Variants in FHL1 observed in about 807,000 individuals in gnomAD.
FHL1 encodes four and a half LIM domains 1.
FHL1 carries 1 observed loss-of-function variant against 20.3 expected under a neutral mutation model. The observed-to-expected ratio is 0.05, with a 90% confidence interval of 0.02 to 0.23. The LOEUF is 0.23. Ranked by LOEUF, FHL1 falls within the 10% of genes least tolerant of loss-of-function variation. FHL1 has a pLI of 1.00. For missense variants in FHL1, 177 were observed against 234.0 expected, an observed-to-expected ratio of 0.76 and a Z score of 1.59; for synonymous variants, 82 against 88.9, an observed-to-expected ratio of 0.92 and a Z score of 0.44.
chrX:136,206,997 C>T lies in FHL1; in HGVS notation c.205-19C>T, dbSNP rs1478843818. 4.1e-6 allele frequency: 5 copies of T among 1,208,655 alleles called. No individual in the cohort carries two copies. The highest frequency in any genetic ancestry group is 4.4e-5 in the Admixed American group (2 of 45,885). ...CCAGCACCCCTCATGGTGGCCCACC[C>T]TGTCTGCTTGGTTTCCAGGAGGTGC... On this transcript the variant is annotated intron_variant, in intron 2 of 5. Coordinates refer to ENST00000370683, the MANE Select transcript of FHL1 (RefSeq NM_001159699.2).
intron 2 of FHL1, among the ~76,000 whole-genome samples, chrX:136,177,552 T>C (rs780191446): frequency 8.9e-6 from 1 of 112,428 alleles, no homozygotes; most frequent in South Asian, 3.7e-4. Flanking sequence ...TTCATCTGTT[T>C]ACAGGTCTTT....
Position 136,209,858 on chromosome X carries a change from T to C in FHL1, c.737-13T>C, listed in dbSNP as rs11798700. The C allele has an allele frequency of 0.019, 23,359 of 1,205,075 alleles. 200 individuals carry two copies. The highest frequency in any genetic ancestry group is 0.024 in the Non-Finnish European group (21,408 of 892,835). The stretch of plus-strand genomic sequence containing the variant: ...CTCTTGTTTTCTTTTCTTTTCTTTT[T>C]TTTTCCCCCCAGGGTTTGGTAAAGG... On this transcript the variant is annotated splice_polypyrimidine_tract_variant and intron_variant, in intron 5 of 5. Transcript: ENST00000370683.
exon 1 of FHL1, chrX:136,147,606 G>C (rs2072133731): frequency 9.2e-6 from 1 of 108,203 alleles, no homozygotes; most frequent in Admixed American, 9.7e-5. Context: ...CGAGACAGCT[G>C]CGCGGGCGAG....
chrX:136,184,147 C>T, intron 2 of FHL1, among the ~76,000 whole-genome samples: 1 of 112,074 alleles, frequency 8.9e-6, no homozygotes, highest in Non-Finnish European at 1.9e-5. Flanking sequence ...TAAACCCTAT[C>T]CTGGCTGTGT....
At chrX:136,147,336 C>CGCGCGCGA (rs1491509185), upstream of FHL1, 1 of 311 alleles carries the variant, frequency 3.2e-3, no homozygotes, top group African/African-American at 8.1e-3. Context: ...GGCCGTCTCC[C>CGCGCGCGA]GCGCGCGCGC....
rs2073910530 is a variant in FHL1 at position 136,208,478 on chromosome X, T to G, written c.573T>G (p.Thr191=). 3 of 1,210,016 alleles carry G rather than the reference T, an allele frequency of 2.5e-6. No homozygotes were observed. Among genetic ancestry groups the G allele is most frequent in the Admixed American group, 2.2e-5 (1 of 45,825 alleles). The change falls in exon 5 of 6, where the codon ACT becomes ACG. Residue 191 remains threonine, a synonymous_variant. Transcript: ENST00000370683. Reference sequence around the variant, plus strand: ...AGGCCATCACATCTGGAGGAATCACTTACCAGGATCAGCCCTGGCATGCCG... The same window carrying G: ...AGGCCATCACATCTGGAGGAATCACGTACCAGGATCAGCCCTGGCATGCCG... The part of the protein sequence containing the change: ...CNKAITSGGI[T]YQDQPWHADC...
intron 1 of FHL1, among the ~76,000 whole-genome samples, chrX:136,149,927 G>T (rs2072219987): frequency 1.8e-5 from 2 of 111,532 alleles, no homozygotes; most frequent in South Asian, 7.4e-4. Context: ...AATAGCAATT[G>T]AAAAAATAGC....
At chrX:136,182,231 T>C (rs1313952702) in intron 2 of FHL1, among the ~76,000 whole-genome samples, 3 of 111,861 alleles carry the variant, frequency 2.7e-5, no homozygotes, top group African/African-American at 9.8e-5. Flanking sequence ...CCCGTTCTTA[T>C]AGAGAGGCAA....
At chrX:136,186,379 A>G (rs893038063) in intron 2 of FHL1, among the ~76,000 whole-genome samples, 1 of 110,475 alleles carries the variant, frequency 9.1e-6, no homozygotes, top group African/African-American at 3.3e-5. Context: ...ATTTCAGTAA[A>G]CTTTGGTGGG....
At chrX:136,177,398 T>C (rs758005515) in intron 2 of FHL1, among the ~76,000 whole-genome samples, 47 of 111,888 alleles carry the variant, frequency 4.2e-4, no homozygotes, top group Non-Finnish European at 7.5e-4. Flanking sequence ...AATGAGGACA[T>C]AGATATCTGA....
In FHL1 at chrX:136,203,998, G is replaced by T. The variant is rs138983549; in HGVS notation, c.23-2409G>T. ...TATCAAAAGCAAGTGATACTAAAAC[G>T]AGTAGGTTCAAAGTTGTATACTAAA... is the stretch of plus-strand genomic sequence containing the variant. On this transcript the variant is annotated intron_variant, in intron 1 of 5. Transcript: ENST00000370683. Among the ~76,000 whole-genome samples the T allele has an allele frequency of 7.7e-3, 861 of 112,243 alleles. 9 individuals carry two copies. The highest frequency in any genetic ancestry group is 0.026 in the African/African-American group (806 of 30,915).
At chrX:136,177,351 G>A (rs2073033951) in intron 2 of FHL1, among the ~76,000 whole-genome samples, 1 of 111,621 alleles carries the variant, frequency 9.0e-6, no homozygotes, top group African/African-American at 3.3e-5. Context: ...GGACAGCTAA[G>A]TTCAAATCTA....
upstream of FHL1, among the ~76,000 whole-genome samples, chrX:136,195,841 A>C (rs2073542447): frequency 6.2e-5 from 7 of 112,044 alleles, no homozygotes; most frequent in Admixed American, 6.6e-4. Flanking sequence ...GACAGTGGCT[A>C]TAAAGGTGTC....
intron 1 of FHL1, among the ~76,000 whole-genome samples, chrX:136,151,644 C>G (rs984267835): frequency 8.9e-6 from 1 of 111,895 alleles, no homozygotes; most frequent in African/African-American, 3.3e-5. Flanking sequence ...ACCCAGGAGG[C>G]GGAGGTTGCT....
At chrX:136,199,374 A>G (rs2073643900) in intron 1 of FHL1, among the ~76,000 whole-genome samples, 1 of 112,209 alleles carries the variant, frequency 8.9e-6, no homozygotes, top group African/African-American at 3.2e-5. Context: ...GAAGTTGCTA[A>G]TTACATTGAA....
chrX:136,180,460 T>A (rs759456377), intron 2 of FHL1, among the ~76,000 whole-genome samples: 2 of 110,869 alleles, frequency 1.8e-5, no homozygotes, highest in African/African-American at 6.5e-5. Context: ...CTAGAGAGGG[T>A]TTGGTGGCTG....
rs780521960 is a variant in FHL1 at position 136,153,056 on chromosome X, GTCT to G, written c.-101+5433_-101+5435del. Among the ~76,000 whole-genome samples, 3 of 111,910 alleles carry G rather than the reference GTCT, an allele frequency of 2.7e-5. No homozygotes were observed. In the South Asian group the frequency reaches 1.1e-3, roughly 42 times the overall value. On this transcript the variant is annotated intron_variant, in intron 1 of 7. Coordinates refer to the FHL1 transcript ENST00000394155. ...TTAGGAGTGACAACATTTGGTTTTT[GTCT>G]TCTTTTTACACAATTTAAACATTTG...
chrX:136,168,724 G>T (rs992259586), upstream of FHL1, among the ~76,000 whole-genome samples: 7 of 111,308 alleles, frequency 6.3e-5, no homozygotes, highest in Admixed American at 1.9e-4. Flanking sequence ...CCTGACAATC[G>T]TCGTCAGGAT....
intron 3 of FHL1, 68 bp downstream of exon 3, chrX:136,207,258 CTT>C: frequency 9.2e-7 from 1 of 1,088,646 alleles, no homozygotes; most frequent in Non-Finnish European, 1.2e-6. Context: ...TGTGGGCTTG[CTT>C]ATCATGGTGG....
Sources: gnomAD v4.1 joint callset for allele counts (sites outside exome capture counted in the v4.1 genomes callset) on GRCh38, gnomAD v4.1.1 for gene constraint, MANE v1.5 for transcripts, NCBI Gene and HGNC (gene_info 2026-07-23, HGNC 2026-07-21) for gene names.